The following CYP24A1 variants were observed in gnomAD, a reference collection of about 807,000 sequenced individuals.
The protein encoded by CYP24A1 is cytochrome P450 family 24 subfamily A member 1.
Under a neutral mutation model 62.4 loss-of-function variants are expected in CYP24A1, and 68 were observed. That is an observed-to-expected ratio of 1.09 (90% CI 0.90 to 1.33). CYP24A1 has a LOEUF of 1.33. Ranked by LOEUF, CYP24A1 falls within the 40% of genes most tolerant of loss-of-function variation. The probability of loss-of-function intolerance (pLI) is 0.00; values close to 1 mark genes in which losing one functional copy is unlikely to be tolerated. For missense variants in CYP24A1, 787 were observed against 653.0 expected (o/e 1.21, Z -2.24); for synonymous variants, 267 against 253.0 (o/e 1.06, Z -0.52).
At chr20:54,161,663 C>T (rs1052813927) in intron 7 of CYP24A1, among the ~76,000 whole-genome samples, 2 of 151,898 alleles carry the variant, frequency 1.3e-5, no homozygotes, top group Admixed American at 6.6e-5. Flanking sequence ...AGAGAGGTCA[C>T]GTTCCAGTTG....
rs2092663648 is a variant in CYP24A1, at chr20:54,164,468, G to A, written c.828C>T (p.Asp276=). 1.2e-6 allele frequency: 2 copies of A among 1,614,158 alleles called. No individual in the cohort carries two copies. Among genetic ancestry groups the A allele is most frequent in the African/African-American group, 1.3e-5 (1 of 75,040 alleles). Reference sequence around the variant, plus strand: ...GCCCTTTACCTGATTTGAAAATGGTGTCCCAGGCCAGAGTGTGGTCCTGCC... The same window carrying A: ...GCCCTTTACCTGATTTGAAAATGGTATCCCAGGCCAGAGTGTGGTCCTGCC... ...KVWQDHTLAW[D]TIFKSVKACI... Residue 276 remains aspartate (D), a synonymous_variant, in exon 6 of 12, where the codon GAC becomes GAT. Transcript: ENST00000216862.
At position 54,164,828 on chromosome 20, in the gene CYP24A1, T is replaced by A. The variant is rs1342093280; in HGVS notation, c.733-265A>T. On this transcript the variant is annotated intron_variant, in intron 5 of 11. Coordinates refer to ENST00000216862, the MANE Select transcript of CYP24A1 (RefSeq NM_000782.5). ...AAATTGTAATCTTATGACCTAATTG[T>A]AAAAAAAAAAAAAAAAAGAGGAAAA... Among the ~76,000 whole-genome samples the A allele has an allele frequency of 1.7e-4, 21 of 122,856 alleles. No homozygotes were observed. Among genetic ancestry groups the A allele is most frequent in the African/African-American group, 2.7e-4 (9 of 32,942 alleles). 80.6% of individuals were successfully genotyped at this position (122,856 alleles called of 152,430 possible).
chr20:54,151,073 G>A (rs549490054), downstream of CYP24A1, among the ~76,000 whole-genome samples: 11 of 150,222 alleles, frequency 7.3e-5, 1 homozygote, highest in South Asian at 2.1e-3. Context: ...AAGGAATAAA[G>A]AATAGCTACT....
intron 3 of CYP24A1, among the ~76,000 whole-genome samples, chr20:54,170,308 T>C (rs571554887): frequency 5.8e-4 from 88 of 152,298 alleles, no homozygotes; most frequent in Admixed American, 4.1e-3. Context: ...TACCAAACAC[T>C]GTACGAAGTG....
chr20:54,148,361 GACACACAGAC>G, the CYP24A1 span, among the ~76,000 whole-genome samples: 5 of 70,056 alleles, frequency 7.1e-5, no homozygotes, highest in Admixed American at 3.4e-4. Context: ...TACATACACA[GACACACAGAC>G]ACACACACAC....
Position 54,156,971 on chromosome 20 carries a change from T to C in CYP24A1, c.*10+198A>G, listed in dbSNP as rs6097809. Among the ~76,000 whole-genome samples the C allele has an allele frequency of 0.074, 11,269 of 151,864 alleles. 591 individuals carry two copies. The highest frequency in any genetic ancestry group is 0.3 in the East Asian group (1,532 of 5,164). ...ACTTGGTATTCATATTAAATTTTTG[T>C]GATACACTCTCTTTGGGTCATCATT... On this transcript the variant is annotated intron_variant, in intron 11 of 11. Transcript: ENST00000216862.
chr20:54,151,175 A>G (rs2092611887), downstream of CYP24A1, among the ~76,000 whole-genome samples: 1 of 152,176 alleles, frequency 6.6e-6, no homozygotes, highest in Admixed American at 6.6e-5. Context: ...GCTATTCATG[A>G]GTTTTCCAGG....
At chr20:54,158,934 T>C (rs1245588514) in intron 8 of CYP24A1, 23 bp downstream of exon 8, 2 of 1,614,150 alleles carry the variant, frequency 1.2e-6, no homozygotes, top group Admixed American at 3.3e-5. Context: ...CACATTTATA[T>C]TGGCTCAGAG....
At chr20:54,171,312 A>AG in intron 3 of CYP24A1, among the ~76,000 whole-genome samples, 1 of 152,258 alleles carries the variant, frequency 6.6e-6, no homozygotes, top group African/African-American at 2.4e-5. Context: ...GCTGGGGTTC[A>AG]AATCCAGGGC....
the CYP24A1 span, among the ~76,000 whole-genome samples, chr20:54,146,289 A>G: frequency 6.6e-6 from 1 of 152,174 alleles, no homozygotes; most frequent in Admixed American, 6.5e-5. Context: ...CAGGCTGAAC[A>G]TCCCTTTTCC....
At chr20:54,158,252 A>G (rs1241598559) in intron 8 of CYP24A1, 88 bp from the exon 9 acceptor site, 1 of 1,584,898 alleles carries the variant, frequency 6.3e-7, no homozygotes, top group Non-Finnish European at 8.6e-7. Context: ...GATTAAATAA[A>G]TGCTGCCCAA....
At chr20:54,164,321 C>A (rs2146485111) in intron 6 of CYP24A1, 131 bp downstream of exon 6, 3 of 1,553,762 alleles carry the variant, frequency 1.9e-6, no homozygotes, top group Non-Finnish European at 2.6e-6. Context: ...GGGCAATCCC[C>A]AAAACACCTG....
chr20:54,171,447 A>G, intron 3 of CYP24A1, 130 bp downstream of exon 3: 1 of 1,569,572 alleles, frequency 6.4e-7, no homozygotes, highest in African/African-American at 1.4e-5. Flanking sequence ...GGAGAGAAAG[A>G]GAAGACCCCC....
intron 9 of CYP24A1, 31 bp downstream of exon 9, chr20:54,158,055 G>T (rs545135262): frequency 5.6e-6 from 9 of 1,611,856 alleles, no homozygotes; most frequent in Non-Finnish European, 5.9e-6. Context: ...CCAAGGTTTT[G>T]TAAGGTATAG....
chr20:54,164,350 G>T, intron 6 of CYP24A1, 102 bp downstream of exon 6: 1 of 1,605,806 alleles, frequency 6.2e-7, no homozygotes, highest in South Asian at 1.1e-5. Context: ...AAACCTAAAT[G>T]TGGTGATGAG....
rs373730137 is a variant in CYP24A1 at position 54,158,960 on chromosome 20, A to G, written c.1154T>C (p.Met385Thr). 3 of 1,614,100 alleles carry G rather than the reference A, an allele frequency of 1.9e-6. No individual in the cohort carries two copies. Among genetic ancestry groups the G allele is most frequent in the Non-Finnish European group, 2.5e-6 (3 of 1,180,040 alleles). The part of the protein sequence containing the change: ...PYLKACLKES[M>T]RLTPSVPFTT... ...TGGCTCAGAGATAGGCTCTTACCTCATAGATTCTTTCAGACAGGCTTTTAA... is the reference window on the plus strand; with the variant it reads ...TGGCTCAGAGATAGGCTCTTACCTCGTAGATTCTTTCAGACAGGCTTTTAA... The change falls in exon 8 of 12, where the codon ATG becomes ACG. Residue 385 changes from methionine to threonine, a missense_variant. Physicochemically the swap from Met to Thr is moderately conservative, Grantham distance 81. Coordinates refer to ENST00000216862, the MANE Select transcript of CYP24A1 (RefSeq NM_000782.5).
intron 4 of CYP24A1, among the ~76,000 whole-genome samples, chr20:54,168,776 T>C (rs1601143220): frequency 1.8e-5 from 2 of 112,178 alleles, no homozygotes; most frequent in Non-Finnish European, 3.8e-5. Flanking sequence ...CCTTCCTTCC[T>C]TCCCTCCCTC....
At chr20:54,155,455 CA>C (rs2092624162) in intron 11 of CYP24A1, among the ~76,000 whole-genome samples, 1 of 151,978 alleles carries the variant, frequency 6.6e-6, no homozygotes, top group African/African-American at 2.4e-5. Context: ...TTTCCACCAC[CA>C]GGGGTGGTGG....
intron 7 of CYP24A1, 146 bp downstream of exon 7, chr20:54,162,571 G>A (rs1170615281): frequency 5.7e-5 from 32 of 559,462 alleles, no homozygotes; most frequent in Non-Finnish European, 9.9e-5. Context: ...AGGCACCGTG[G>A]CATCTAGTAT....
Sources: gnomAD v4.1 joint callset for allele counts (sites outside exome capture counted in the v4.1 genomes callset) on GRCh38, gnomAD v4.1.1 for gene constraint, MANE v1.5 for transcripts, NCBI Gene and HGNC (gene_info 2026-07-23, HGNC 2026-07-21) for gene names.